The following NRXN3 variants were observed in gnomAD, a reference collection of about 807,000 sequenced individuals.
The protein encoded by NRXN3 is neurexin 3.
Under a neutral mutation model 137.6 loss-of-function variants are expected in NRXN3, and 32 were observed. The observed-to-expected ratio is 0.23, with a 90% CI of 0.18 to 0.31. The LOEUF (loss-of-function observed/expected upper bound fraction) is 0.31, where lower values mean the gene tolerates loss of function less well. Ranked by LOEUF, NRXN3 falls within the 10% of genes least tolerant of loss-of-function variation. The pLI, the probability that NRXN3 is intolerant of heterozygous loss-of-function variation, is 1.00. For missense variants in NRXN3, 1,574 were observed against 2,062.5 expected (o/e 0.76, Z 4.59); for synonymous variants, 798 against 784.5 (o/e 1.02, Z -0.29).
intron 2 of NRXN3, among the ~76,000 whole-genome samples, chr14:78,276,728 C>T (rs183711386): frequency 1.3e-5 from 2 of 152,280 alleles, no homozygotes; most frequent in East Asian, 3.9e-4. Flanking sequence ...TAACCAGTAT[C>T]GAAAAACCTT....
chr14:79,022,338 C>T (rs931763809), intron 15 of NRXN3, among the ~76,000 whole-genome samples: 15 of 152,034 alleles, frequency 9.9e-5, no homozygotes, highest in Admixed American at 7.2e-4. Context: ...AAATGCTTCC[C>T]AATTCTTTTT....
chr14:78,731,070 C>A (rs1595279710), intron 8 of NRXN3, among the ~76,000 whole-genome samples: 1 of 152,176 alleles, frequency 6.6e-6, no homozygotes, highest in East Asian at 1.9e-4. Flanking sequence ...CCTTTCAAAC[C>A]ACTTTAGTTT....
At chr14:79,721,358 C>T (rs111316943) in intron 19 of NRXN3, among the ~76,000 whole-genome samples, 56 of 152,142 alleles carry the variant, frequency 3.7e-4, no homozygotes, top group African/African-American at 1.1e-3. Context: ...ATAAACAAAA[C>T]GTTGGAGTGC....
At chr14:79,243,380 C>T (rs373424157) in intron 15 of NRXN3, among the ~76,000 whole-genome samples, 2 of 152,116 alleles carry the variant, frequency 1.3e-5, no homozygotes, top group East Asian at 3.9e-4. Context: ...GATTCAATAC[C>T]TGAGCAGGGT....
At chr14:79,116,981 G>A (rs947301757) in intron 15 of NRXN3, among the ~76,000 whole-genome samples, 1 of 152,146 alleles carries the variant, frequency 6.6e-6, no homozygotes, top group Admixed American at 6.6e-5. Context: ...CAGAGAAAGT[G>A]AGCAAACTGG....
In NRXN3 at chr14:79,599,057, C is replaced by T. The variant is rs2097894213; in HGVS notation, c.3445-64721C>T. On this transcript the variant is annotated intron_variant, in intron 16 of 20. Coordinates refer to ENST00000335750, the MANE Select transcript of NRXN3 (RefSeq NM_001330195.2). ...AACATATAAATTATAACTTTCTCTCCTATGATAACTTTTCAAATGTTTTTT... is the reference window on the plus strand; with the variant it reads ...AACATATAAATTATAACTTTCTCTCTTATGATAACTTTTCAAATGTTTTTT... Among the ~76,000 whole-genome samples, 6 of 152,342 alleles carry T rather than the reference C, an allele frequency of 3.9e-5. No homozygotes were observed. In the South Asian group the frequency reaches 1.2e-3, roughly 32 times the overall value.
intron 15 of NRXN3, among the ~76,000 whole-genome samples, chr14:79,408,610 C>T (rs1236309821): frequency 6.6e-6 from 1 of 152,080 alleles, no homozygotes; most frequent in Non-Finnish European, 1.5e-5. Flanking sequence ...GGAATTTTTA[C>T]TAGTGGGTTC....
chr14:79,032,241 T>C (rs1003326982), intron 15 of NRXN3, among the ~76,000 whole-genome samples: 3 of 152,198 alleles, frequency 2.0e-5, no homozygotes, highest in African/African-American at 7.2e-5. Context: ...TGAAGCTTGC[T>C]AAAATTTATA....
intron 15 of NRXN3, among the ~76,000 whole-genome samples, chr14:79,463,833 T>C (rs1192491650): frequency 6.6e-6 from 1 of 152,178 alleles, no homozygotes; most frequent in Non-Finnish European, 1.5e-5. Context: ...TGGTATAGCA[T>C]GCCTCAGAAA....
chr14:79,387,303 G>T (rs2094662792), intron 15 of NRXN3, among the ~76,000 whole-genome samples: 1 of 152,084 alleles, frequency 6.6e-6, no homozygotes, highest in East Asian at 1.9e-4. Flanking sequence ...GATATGAACA[G>T]ACACTTCTCA....
chr14:79,754,219 G>A lies in NRXN3; in HGVS notation c.4015-50893G>A, dbSNP rs942450732. 3.9e-5 allele frequency among the ~76,000 whole-genome samples: 6 copies of A among 152,028 alleles called. No homozygotes were observed. In the East Asian group the frequency reaches 9.7e-4, roughly 25 times the overall value. On this transcript the variant is annotated intron_variant, in intron 19 of 20. Transcript: ENST00000335750. ...TATTCAGGTGTGGTGGCACATGGCT[G>A]TAATCCCAGCTGCTCGGGAGGCTGA... is the stretch of plus-strand genomic sequence containing the variant.
chr14:78,329,710 A>G (rs556842390), intron 4 of NRXN3, among the ~76,000 whole-genome samples: 33 of 152,206 alleles, frequency 2.2e-4, no homozygotes, highest in Non-Finnish European at 4.0e-4. Context: ...AGGAGAAGAT[A>G]TAACTACCTC....
intron 15 of NRXN3, among the ~76,000 whole-genome samples, chr14:79,094,979 A>AGAGAGAGTGTGTGTGT (rs553957969): frequency 6.6e-4 from 76 of 115,926 alleles, no homozygotes; most frequent in African/African-American, 2.1e-3. Flanking sequence ...AGAGAGAGAG[A>AGAGAGAGTGTGTGTGT]GTGTGTGTGT....
intron 4 of NRXN3, among the ~76,000 whole-genome samples, chr14:78,350,284 C>T (rs1409393033): frequency 7.8e-6 from 1 of 128,698 alleles, no homozygotes; most frequent in Non-Finnish European, 1.7e-5. Context: ...AGCGGAACTT[C>T]ATCTCAAAAA....
intron 4 of NRXN3, among the ~76,000 whole-genome samples, chr14:78,325,587 C>T (rs1214717468): frequency 2.6e-5 from 4 of 151,906 alleles, no homozygotes; most frequent in Non-Finnish European, 4.4e-5. Context: ...CCTGTGTGCC[C>T]AGTCTGTACC....
chr14:79,131,198 C>T (rs918382824), intron 15 of NRXN3, among the ~76,000 whole-genome samples: 55 of 152,344 alleles, frequency 3.6e-4, no homozygotes, highest in Non-Finnish European at 6.6e-4. Context: ...ATTCTCCGTC[C>T]AGCTTTGTTC....
At position 78,765,312 on chromosome 14, in the gene NRXN3, C is replaced by A. The variant is rs146246747; in HGVS notation, c.2045-38308C>A. Among the ~76,000 whole-genome samples, 45 of 152,270 alleles carry A rather than the reference C, an allele frequency of 3.0e-4. No individual in the cohort carries two copies. In the East Asian group the frequency reaches 8.7e-3, roughly 29 times the overall value. Reference sequence around the variant, plus strand: ...AGGATTATAGGTATGCACCACTACACCCGGCTAATGTTCTATTTTTAGTAG... The same window carrying A: ...AGGATTATAGGTATGCACCACTACAACCGGCTAATGTTCTATTTTTAGTAG... On this transcript the variant is annotated intron_variant, in intron 8 of 20. Coordinates refer to ENST00000335750, the MANE Select transcript of NRXN3 (RefSeq NM_001330195.2).
chr14:79,231,842 T>C (rs989418687), intron 15 of NRXN3, among the ~76,000 whole-genome samples: 1 of 152,106 alleles, frequency 6.6e-6, no homozygotes, highest in Admixed American at 6.6e-5. Context: ...TTGGGGCAAT[T>C]AAAATGACCA....
chr14:78,330,406 C>T (rs2080662252), intron 4 of NRXN3, among the ~76,000 whole-genome samples: 1 of 152,172 alleles, frequency 6.6e-6, no homozygotes, highest in Non-Finnish European at 1.5e-5. Flanking sequence ...TTCTTCCTCT[C>T]ATTTCACATG....
Sources: gnomAD v4.1 joint callset for allele counts (sites outside exome capture counted in the v4.1 genomes callset) on GRCh38, gnomAD v4.1.1 for gene constraint, MANE v1.5 for transcripts, NCBI Gene and HGNC (gene_info 2026-07-23, HGNC 2026-07-21) for gene names.